GALNT2: variants seen among roughly 807,000 people sequenced by gnomAD.
The protein encoded by GALNT2 is UDP-GalNAc:polypeptide N-acetylgalactosaminyltransferase 2.
A neutral mutation model predicts 81.4 loss-of-function variants in GALNT2; 31 were observed. The observed-to-expected ratio is 0.38, with a 90% CI of 0.29 to 0.51. The LOEUF (loss-of-function observed/expected upper bound fraction) is 0.51, where lower values mean the gene tolerates loss of function less well. Ranked by LOEUF, GALNT2 falls within the 20% of genes least tolerant of loss-of-function variation. The pLI, the probability that GALNT2 is intolerant of heterozygous loss-of-function variation, is 0.87. For synonymous variants in GALNT2, 303 were observed against 287.4 expected (o/e 1.05, Z -0.55); for missense variants, 629 against 765.7 (o/e 0.82, Z 2.11).
In GALNT2 at chr1:230,265,030, A is replaced by C. The variant is rs376202783; in HGVS notation, c.1314-211A>C. ...AGAATATAAAGAATACTTCTGCAACATACAGTCTTAAAGTGTTGGAAGTCC... is the reference window on the plus strand; with the variant it reads ...AGAATATAAAGAATACTTCTGCAACCTACAGTCTTAAAGTGTTGGAAGTCC... On this transcript the variant is annotated intron_variant, in intron 13 of 15. Transcript: ENST00000366672. 246 of 550,820 alleles carry C rather than the reference A, an allele frequency of 4.5e-4. 1 individual carries two copies. In the South Asian group the frequency reaches 6.5e-3, roughly 14 times the overall value. The allele number at this position is 550,820 out of a possible 1,614,324, so 34.1% of individuals were successfully genotyped here. A position where few individuals can be genotyped will look rare whatever the true frequency, so the allele number is the denominator to read the frequency against.
chr1:230,139,083 C>T (rs1029654823), intron 1 of GALNT2, among the ~76,000 whole-genome samples: 2 of 152,180 alleles, frequency 1.3e-5, no homozygotes, highest in Non-Finnish European at 2.9e-5. Flanking sequence ...TCTACCCTCA[C>T]GGGGGTTATG....
chr1:230,155,192 T>A (rs941471290), intron 1 of GALNT2, among the ~76,000 whole-genome samples: 2 of 152,140 alleles, frequency 1.3e-5, no homozygotes, highest in Non-Finnish European at 2.9e-5. Flanking sequence ...TCACTTTCTC[T>A]CACATCTGTG....
intron 3 of GALNT2, among the ~76,000 whole-genome samples, chr1:230,214,521 G>A (rs1336273013): frequency 3.9e-5 from 6 of 152,112 alleles, no homozygotes; most frequent in South Asian, 4.1e-4. Context: ...TGTTGTTTCT[G>A]GCGAAATGTC....
chr1:230,240,381 C>G (rs1422776533), intron 6 of GALNT2, among the ~76,000 whole-genome samples: 1 of 152,206 alleles, frequency 6.6e-6, no homozygotes, highest in Non-Finnish European at 1.5e-5. Context: ...ATCACGAGGT[C>G]AGGAGTTTGA....
intron 2 of GALNT2, among the ~76,000 whole-genome samples, chr1:230,201,001 C>G (rs1396157235): frequency 6.6e-6 from 1 of 152,188 alleles, no homozygotes; most frequent in African/African-American, 2.4e-5. Context: ...AAAGGATAAA[C>G]TCACTGGTGA....
intron 14 of GALNT2, among the ~76,000 whole-genome samples, chr1:230,268,763 C>T (rs1370921203): frequency 6.6e-6 from 1 of 152,220 alleles, no homozygotes; most frequent in African/African-American, 2.4e-5. Context: ...TCCTCACCTG[C>T]CCTCAGGAGG....
intron 1 of GALNT2, among the ~76,000 whole-genome samples, chr1:230,094,997 G>T (rs770713533): frequency 6.6e-6 from 1 of 152,174 alleles, no homozygotes; most frequent in African/African-American, 2.4e-5. Flanking sequence ...CGATGATGTC[G>T]TAGTTCACGG....
At chr1:230,211,033 G>T (rs775661664) in intron 3 of GALNT2, among the ~76,000 whole-genome samples, 1 of 152,230 alleles carries the variant, frequency 6.6e-6, no homozygotes, top group Non-Finnish European at 1.5e-5. Context: ...TAGGGGGGCA[G>T]AAGATCTAGG....
At chr1:230,106,311 C>T (rs941732410) in intron 1 of GALNT2, among the ~76,000 whole-genome samples, 4 of 152,126 alleles carry the variant, frequency 2.6e-5, no homozygotes, top group Non-Finnish European at 4.4e-5. Context: ...ATCTGAGAAA[C>T]GATACTGAAT....
At chr1:230,266,025 T>C (rs1313465070) in intron 14 of GALNT2, among the ~76,000 whole-genome samples, 1 of 152,100 alleles carries the variant, frequency 6.6e-6, no homozygotes, top group African/African-American at 2.4e-5. Flanking sequence ...AACCCATCTC[T>C]GCTAAAAATA....
At chr1:230,160,016 C>T (rs1237581171) in intron 1 of GALNT2, among the ~76,000 whole-genome samples, 1 of 152,138 alleles carries the variant, frequency 6.6e-6, no homozygotes, top group Non-Finnish European at 1.5e-5. Flanking sequence ...CACCCAGGTG[C>T]TTCCCTCCTC....
chr1:230,280,163 A>AG lies in GALNT2; in HGVS notation c.*709dup, dbSNP rs1419645635. The AG allele has an allele frequency of 5.3e-6, 2 of 377,420 alleles. No individual in the cohort carries two copies. The highest frequency in any genetic ancestry group is 2.1e-5 in the African/African-American group (1 of 47,702). The allele number at this position is 377,420 out of a possible 1,614,324, so 23.4% of individuals were successfully genotyped here. On this transcript the variant is annotated 3_prime_UTR_variant, in exon 16 of 16. Coordinates refer to ENST00000366672, the MANE Select transcript of GALNT2 (RefSeq NM_004481.5). ...AAAGCCGTTCGCAGCTTCCGGGAGA[A>AG]GGGGCCAGAGCCCGGTGGGGCCAGT...
At chr1:230,252,954 C>T (rs1000325610) in intron 10 of GALNT2, among the ~76,000 whole-genome samples, 6 of 140,864 alleles carry the variant, frequency 4.3e-5, no homozygotes, top group Non-Finnish European at 6.0e-5. Flanking sequence ...TCAAGTGATT[C>T]TCCTGCCTCA....
upstream of GALNT2, among the ~76,000 whole-genome samples, chr1:230,065,994 C>A (rs911060632): frequency 1.3e-5 from 2 of 152,202 alleles, no homozygotes; most frequent in Admixed American, 6.5e-5. Flanking sequence ...GAGGTGACAA[C>A]CCTGTACTTC....
intron 1 of GALNT2, among the ~76,000 whole-genome samples, chr1:230,102,224 C>G: frequency 6.6e-6 from 1 of 152,150 alleles, no homozygotes; most frequent in East Asian, 1.9e-4. Flanking sequence ...AGACGAAGCC[C>G]CAGGAGGGCA....
intron 3 of GALNT2, among the ~76,000 whole-genome samples, chr1:230,230,613 G>A (rs971690847): frequency 5.9e-5 from 9 of 152,234 alleles, no homozygotes; most frequent in African/African-American, 1.9e-4. Flanking sequence ...AACTGAGCAT[G>A]CCCCTTAGCA....
chr1:230,222,359 G>A (rs1214165269), intron 3 of GALNT2, among the ~76,000 whole-genome samples: 1 of 152,104 alleles, frequency 6.6e-6, no homozygotes, highest in Non-Finnish European at 1.5e-5. Context: ...CCCCATGAGA[G>A]TTGAATGTTG....
intron 1 of GALNT2, among the ~76,000 whole-genome samples, chr1:230,176,389 C>T (rs1237980829): frequency 9.9e-5 from 15 of 152,086 alleles, no homozygotes; most frequent in Admixed American, 9.8e-4. Context: ...AGTCACCAGC[C>T]CCACTGGCAG....
At chr1:230,073,120 G>A (rs545771686) in intron 1 of GALNT2, among the ~76,000 whole-genome samples, 34 of 152,162 alleles carry the variant, frequency 2.2e-4, no homozygotes, top group Non-Finnish European at 4.9e-4. Context: ...GGATAGGCTG[G>A]GCCTGGCGGG....
Sources: gnomAD v4.1 joint callset for allele counts (sites outside exome capture counted in the v4.1 genomes callset) on GRCh38, gnomAD v4.1.1 for gene constraint, MANE v1.5 for transcripts, NCBI Gene and HGNC (gene_info 2026-07-23, HGNC 2026-07-21) for gene names.